Variants in PCDHA2 observed in about 807,000 individuals in gnomAD.
PCDHA2 encodes protocadherin alpha-2.
Under a neutral mutation model 66.0 loss-of-function variants are expected in PCDHA2, and 58 were observed. The ratio of observed to expected loss-of-function variants is 0.88; its 90% CI spans 0.71 to 1.09. The LOEUF is 1.09. PCDHA2 is among the 50% of genes least tolerant of loss of function. The probability of loss-of-function intolerance (pLI) is 0.00; values close to 1 mark genes in which losing one functional copy is unlikely to be tolerated. For missense variants in PCDHA2, 1,267 were observed against 1,242.3 expected (o/e 1.02, Z -0.30); for synonymous variants, 634 against 554.0 (o/e 1.14, Z -2.03).
intron 1 of PCDHA2, chr5:140,862,752 G>A (rs554442218): frequency 5.2e-6 from 3 of 577,754 alleles, no homozygotes; most frequent in East Asian, 4.7e-5. Flanking sequence ...TGCACGCGGA[G>A]AGCGGCAAGA....
chr5:140,810,054 G>C (rs1045544275), intron 1 of PCDHA2: 1 of 153,900 alleles, frequency 6.5e-6, no homozygotes, highest in Non-Finnish European at 1.4e-5. Flanking sequence ...TGTTTGTTCG[G>C]GGCCTGTTTT....
chr5:140,825,170 T>G (rs1391408665), intron 1 of PCDHA2: 1 of 151,844 alleles, frequency 6.6e-6, no homozygotes, highest in African/African-American at 2.4e-5. Flanking sequence ...TTTTTTCATT[T>G]ACTAATGTAT....
intron 1 of PCDHA2, chr5:140,927,125 G>C (rs782734791): frequency 6.2e-7 from 1 of 1,614,076 alleles, no homozygotes; most frequent in Admixed American, 1.7e-5. Flanking sequence ...TTGGTGGTCA[G>C]AGAGCCGGCG....
intron 1 of PCDHA2, chr5:140,853,775 G>GT: frequency 1.0e-6 from 1 of 987,698 alleles, no homozygotes; most frequent in East Asian, 1.1e-4. Context: ...TCTGAAATGG[G>GT]TAGTAAGAGC....
At position 140,797,188 on chromosome 5, in the gene PCDHA2, T is replaced by A. The variant is rs782378718; in HGVS notation, c.2224T>A (p.Ser742Thr). ...RAPGKPTLVC[S>T]SAVGSWSYSQ... is the part of the protein sequence containing the mutation. The stretch of plus-strand genomic sequence containing the variant: ...GCCAGGAAAGCCCACGCTGGTGTGC[T>A]CCAGCGCCGTGGGGAGCTGGTCTTA... Residue 742 changes from serine to threonine, a missense_variant, in exon 1 of 4, where the codon TCC (serine) becomes ACC (threonine). Physicochemically the swap from Ser to Thr is moderately conservative, Grantham distance 58. Coordinates refer to ENST00000526136, the MANE Select transcript of PCDHA2 (RefSeq NM_018905.3). The A allele has an allele frequency of 8.7e-6, 14 of 1,614,008 alleles. No individual in the cohort carries two copies. Among genetic ancestry groups the A allele is most frequent in the Non-Finnish European group, 1.2e-5 (14 of 1,180,040 alleles).
intron 1 of PCDHA2, chr5:140,851,237 G>C (rs782702575): frequency 3.6e-6 from 4 of 1,101,536 alleles, no homozygotes; most frequent in Non-Finnish European, 4.6e-6. Flanking sequence ...TTTATTTATT[G>C]CTAAATGATG....
chr5:140,924,736 A>C (rs1554202112), intron 1 of PCDHA2, among the ~76,000 whole-genome samples: 1 of 151,866 alleles, frequency 6.6e-6, no homozygotes, highest in Non-Finnish European at 1.5e-5. Flanking sequence ...CTCTAATAAA[A>C]ATACAAAAAT....
intron 1 of PCDHA2, chr5:140,830,245 C>T (rs2150183338): frequency 2.0e-5 from 32 of 1,613,950 alleles, no homozygotes; most frequent in Admixed American, 3.3e-5. Flanking sequence ...TACTGCTGTA[C>T]ACAGCGCTGC....
At chr5:140,937,399 T>C (rs2091517737) in intron 1 of PCDHA2, among the ~76,000 whole-genome samples, 1 of 152,226 alleles carries the variant, frequency 6.6e-6, no homozygotes, top group African/African-American at 2.4e-5. Context: ...TATAGGGGTA[T>C]TGCACAACTT....
At position 140,822,392 on chromosome 5, in the gene PCDHA2, A is replaced by G. The variant is rs17844288; in HGVS notation, c.2388+25040A>G. 2.5e-6 allele frequency: 4 copies of G among 1,614,134 alleles called. No homozygotes were observed. In the East Asian group the frequency reaches 8.9e-5, roughly 36 times the overall value. ...TCCTTAGATAGAGAAGAAACACAAGAACACCGTTTATTAGTGATTGCAACT... is the reference window on the plus strand; with the variant it reads ...TCCTTAGATAGAGAAGAAACACAAGGACACCGTTTATTAGTGATTGCAACT... On this transcript the variant is annotated intron_variant, in intron 1 of 3. Coordinates refer to ENST00000526136, the MANE Select transcript of PCDHA2 (RefSeq NM_018905.3).
intron 1 of PCDHA2, among the ~76,000 whole-genome samples, chr5:140,924,936 TAAAAA>T (rs2082205335): frequency 8.1e-6 from 1 of 123,442 alleles, no homozygotes; most frequent in East Asian, 2.8e-4. Context: ...TAAAATAAAA[TAAAAA>T]GTTAAAAAAA....
rs2150412842 is a variant in PCDHA2 at position 140,848,560 on chromosome 5, C to A, written c.2388+51208C>A. 2.5e-6 allele frequency: 4 copies of A among 1,595,490 alleles called. No homozygotes were observed. The highest frequency in any genetic ancestry group is 3.4e-5 in the Admixed American group (2 of 59,252). On this transcript the variant is annotated intron_variant, in intron 1 of 3. Coordinates refer to ENST00000526136, the MANE Select transcript of PCDHA2 (RefSeq NM_018905.3). ...CTACTGCTCTCGCTTCTGATCCTCG[C>A]AATGTGGGTGGTGGGGAGCGGCCAG...
At chr5:140,828,580 C>T (rs2150157078) in intron 1 of PCDHA2, 2 of 1,614,212 alleles carry the variant, frequency 1.2e-6, no homozygotes, top group African/African-American at 1.3e-5. Flanking sequence ...CAGATGTTGG[C>T]TCAAATTCCA....
chr5:140,842,292 A>C (rs2150333564), intron 1 of PCDHA2: 1 of 1,610,470 alleles, frequency 6.2e-7, no homozygotes, highest in African/African-American at 1.3e-5. Context: ...GACGCCACGG[A>C]CAAAGGCCAT....
intron 1 of PCDHA2, chr5:140,883,572 T>C: frequency 6.2e-7 from 1 of 1,614,098 alleles, no homozygotes; most frequent in Non-Finnish European, 8.5e-7. Flanking sequence ...TCGCCTTCGC[T>C]GTGGGCCACG....
rs1474196647 is a variant in PCDHA2, at chr5:140,795,645, A to T, written c.681A>T (p.Gln227His). The T allele has an allele frequency of 6.2e-7, 1 of 1,614,036 alleles. No individual in the cohort carries two copies. The highest frequency in any genetic ancestry group is 8.5e-7 in the Non-Finnish European group (1 of 1,180,042). ...GGKPELTGTV[Q>H]ILIKVLDVND... is the part of the protein sequence containing the mutation. ...AACCTGAGCTCACGGGCACCGTTCA[A>T]ATACTTATTAAGGTATTAGATGTAA... Residue 227 changes from glutamine to histidine, a missense_variant, in exon 1 of 4, where the codon CAA (glutamine) becomes CAT (histidine). Physicochemically the swap from Gln to His is conservative, Grantham distance 24. Coordinates refer to ENST00000526136, the MANE Select transcript of PCDHA2 (RefSeq NM_018905.3).
intron 1 of PCDHA2, chr5:140,828,102 C>T: frequency 6.8e-6 from 11 of 1,608,522 alleles, no homozygotes; most frequent in Non-Finnish European, 9.3e-6. Flanking sequence ...ATGGTGTTTA[C>T]CCCGGAGGAT....
At chr5:140,934,196 C>T in intron 1 of PCDHA2, among the ~76,000 whole-genome samples, 1 of 152,068 alleles carries the variant, frequency 6.6e-6, no homozygotes, top group East Asian at 1.9e-4. Context: ...CTTTTCATTT[C>T]TATTTCCTCA....
chr5:140,968,942 T>C (rs782129541), intron 1 of PCDHA2: 2 of 1,614,214 alleles, frequency 1.2e-6, no homozygotes, highest in South Asian at 2.2e-5. Context: ...AATCATCATT[T>C]TGAGCATCAT....
Sources: allele counts gnomAD v4.1 joint callset (sites outside exome capture counted in the v4.1 genomes callset), GRCh38; gene constraint gnomAD v4.1.1; transcripts MANE v1.5; gene names NCBI Gene and HGNC (gene_info 2026-07-23, HGNC 2026-07-21).